TESK2: variants seen among roughly 807,000 people sequenced by gnomAD.
TESK2 encodes dual specificity testis-specific protein kinase 2.
A neutral mutation model predicts 57.1 loss-of-function variants in TESK2; 39 were observed. The ratio of observed to expected loss-of-function variants is 0.68; its 90% CI spans 0.53 to 0.89. The LOEUF (loss-of-function observed/expected upper bound fraction) is 0.89. Among genes scored for constraint, TESK2 ranks in the 40% least tolerant of loss-of-function variants. The probability of loss-of-function intolerance (pLI) is 0.00; values close to 1 mark genes in which losing one functional copy is unlikely to be tolerated. For missense variants in TESK2, 646 were observed against 732.1 expected (o/e 0.88, Z 1.36); for synonymous variants, 249 against 267.9 (o/e 0.93, Z 0.69).
At chr1:45,483,369 G>A (rs554283663) in intron 1 of TESK2, among the ~76,000 whole-genome samples, 66 of 152,178 alleles carry the variant, frequency 4.3e-4, no homozygotes, top group South Asian at 1.2e-3. Flanking sequence ...GCCGAGGCAG[G>A]CGGATGGCCT....
At chr1:45,371,058 A>G (rs1300430757) in intron 4 of TESK2, among the ~76,000 whole-genome samples, 2 of 152,098 alleles carry the variant, frequency 1.3e-5, no homozygotes, top group East Asian at 3.8e-4. Flanking sequence ...ATCACCTCAC[A>G]TCCATTAAGA....
At chr1:45,441,958 C>G (rs1255489476) in intron 2 of TESK2, among the ~76,000 whole-genome samples, 2 of 151,848 alleles carry the variant, frequency 1.3e-5, no homozygotes, top group African/African-American at 4.8e-5. Context: ...GTTTTTGAGA[C>G]AAGGTTCTGC....
intron 4 of TESK2, among the ~76,000 whole-genome samples, chr1:45,376,831 G>C (rs1648450360): frequency 6.6e-6 from 1 of 152,154 alleles, no homozygotes; most frequent in Non-Finnish European, 1.5e-5. Flanking sequence ...AACGAGATTA[G>C]AGAGAATTTA....
intron 2 of TESK2, among the ~76,000 whole-genome samples, chr1:45,427,544 G>A (rs552017362): frequency 2.0e-5 from 3 of 152,296 alleles, no homozygotes; most frequent in African/African-American, 4.8e-5. Flanking sequence ...TAAAGAAAAT[G>A]TGGTACATAC....
intron 4 of TESK2, among the ~76,000 whole-genome samples, chr1:45,357,709 CG>C (rs1179967881): frequency 1.3e-5 from 2 of 151,406 alleles, no homozygotes; most frequent in African/African-American, 4.8e-5. Context: ...TGGCCAGGCA[CG>C]GTAGCTCCCA....
chr1:45,358,102 A>G (rs886202085), intron 4 of TESK2, among the ~76,000 whole-genome samples: 17 of 151,172 alleles, frequency 1.1e-4, no homozygotes, highest in Admixed American at 9.3e-4. Flanking sequence ...TCACGAGGTC[A>G]GGAGATCGAG....
intron 2 of TESK2, among the ~76,000 whole-genome samples, chr1:45,448,715 A>C (rs1651745442): frequency 1.3e-5 from 2 of 152,194 alleles, no homozygotes. Context: ...ATCACTTCCC[A>C]CTAGGCCCCA....
intron 2 of TESK2, among the ~76,000 whole-genome samples, chr1:45,450,093 C>T (rs1651810582): frequency 6.6e-6 from 1 of 152,136 alleles, no homozygotes; most frequent in Non-Finnish European, 1.5e-5. Context: ...AGGTAGTCAT[C>T]TGAAAAGCAA....
intron 1 of TESK2, among the ~76,000 whole-genome samples, chr1:45,486,606 C>T (rs981331170): frequency 7.3e-5 from 11 of 150,460 alleles, no homozygotes; most frequent in African/African-American, 2.2e-4. Context: ...ACCTGGGAAG[C>T]GGAGCTTGCA....
At chr1:45,394,938 T>C (rs1649299767) in intron 3 of TESK2, among the ~76,000 whole-genome samples, 1 of 151,594 alleles carries the variant, frequency 6.6e-6, no homozygotes, top group Non-Finnish European at 1.5e-5. Flanking sequence ...GATCCGCCCG[T>C]CTCAGCCTCC....
chr1:45,371,417 T>C (rs1369975025), intron 4 of TESK2, among the ~76,000 whole-genome samples: 2 of 152,178 alleles, frequency 1.3e-5, no homozygotes, highest in Non-Finnish European at 2.9e-5. Flanking sequence ...AAAATATTTA[T>C]GCAGCCATAA....
chr1:45,363,281 G>A (rs777154787), intron 4 of TESK2, among the ~76,000 whole-genome samples: 6 of 152,044 alleles, frequency 3.9e-5, no homozygotes, highest in Admixed American at 6.6e-5. Flanking sequence ...GCCTCCCTTA[G>A]GTTATTCCAT....
intron 4 of TESK2, among the ~76,000 whole-genome samples, chr1:45,366,178 C>T (rs1647906425): frequency 6.6e-6 from 1 of 151,862 alleles, no homozygotes; most frequent in Admixed American, 6.6e-5. Context: ...CCTCCACCTC[C>T]AGGGTTTAAG....
At position 45,419,624 on chromosome 1, in the gene TESK2, G is replaced by A. The variant is rs112228247; in HGVS notation, c.344+2101C>T. ...AGTTCAAGACAAGCCTGGCCAACGTGGTAAAACCCCGTCTCTACTAAAAAT... is the reference window on the plus strand; with the variant it reads ...AGTTCAAGACAAGCCTGGCCAACGTAGTAAAACCCCGTCTCTACTAAAAAT... On this transcript the variant is annotated intron_variant, in intron 3 of 10. Transcript: ENST00000372086. Among the ~76,000 whole-genome samples, 769 of 152,014 alleles carry A rather than the reference G, an allele frequency of 5.1e-3. 8 individuals are homozygous for A. The highest frequency in any genetic ancestry group is 0.018 in the African/African-American group (729 of 41,474).
At chr1:45,433,067 T>C (rs1380921783) in intron 2 of TESK2, among the ~76,000 whole-genome samples, 3 of 682 alleles carry the variant, frequency 4.4e-3, no homozygotes, top group Admixed American at 0.033. Flanking sequence ...CCCAGCCGCT[T>C]TTTTTTTTTT....
intron 9 of TESK2, 46 bp from the exon 10 acceptor site, chr1:45,346,040 C>A (rs1647139708): frequency 7.1e-7 from 1 of 1,402,508 alleles, no homozygotes; most frequent in African/African-American, 1.4e-5. Context: ...CCATCTCCCA[C>A]CCCAAAGATG....
chr1:45,482,875 G>A (rs1172920777), intron 1 of TESK2, among the ~76,000 whole-genome samples: 1 of 151,662 alleles, frequency 6.6e-6, no homozygotes, highest in Non-Finnish European at 1.5e-5. Context: ...AGCTACTCGG[G>A]AGGCTGAGGC....
chr1:45,466,378 G>A (rs535374972), intron 1 of TESK2, among the ~76,000 whole-genome samples: 1 of 152,262 alleles, frequency 6.6e-6, no homozygotes, highest in East Asian at 1.9e-4. Context: ...AGGAGGCTGA[G>A]GCAGGAGAAT....
Position 45,344,457 on chromosome 1 carries a change from G to C in TESK2, c.*383C>G, listed in dbSNP as rs1157356484. ...GATCAGCTCCATGTTCCACTCAGTA[G>C]CTTATATGCCCCAAGAAAAGGCAAG... On this transcript the variant is annotated 3_prime_UTR_variant, in exon 11 of 11. Transcript: ENST00000372086. 1.4e-5 allele frequency: 3 copies of C among 214,922 alleles called. No individual in the cohort carries two copies. Among genetic ancestry groups the C allele is most frequent in the African/African-American group, 2.3e-5 (1 of 43,048 alleles). The allele number at this position is 214,922 out of a possible 1,614,324, so 13.3% of individuals were successfully genotyped here. A position where few individuals can be genotyped will look rare whatever the true frequency, so the allele number is the denominator to read the frequency against.
Sources: gnomAD v4.1 joint callset for allele counts (sites outside exome capture counted in the v4.1 genomes callset) on GRCh38, gnomAD v4.1.1 for gene constraint, MANE v1.5 for transcripts, NCBI Gene and HGNC (gene_info 2026-07-23, HGNC 2026-07-21) for gene names.